Variants in ANXA8 observed in about 807,000 individuals in gnomAD.
ANXA8 encodes the protein VAC-beta.
Under a neutral mutation model 26.8 loss-of-function variants are expected in ANXA8, and 9 were observed. The observed-to-expected ratio is 0.34, with a 90% confidence interval of 0.20 to 0.59. ANXA8 has a LOEUF of 0.59. Ranked by LOEUF, ANXA8 falls within the 20% of genes least tolerant of loss-of-function variation. The pLI, the probability that ANXA8 is intolerant of heterozygous loss-of-function variation, is 0.84. For missense variants in ANXA8, 83 were observed against 238.5 expected (o/e 0.35, Z 4.29); for synonymous variants, 39 against 94.8 (o/e 0.41, Z 3.42).
At position 47,474,393 on chromosome 10, in the gene ANXA8, C is replaced by T; in HGVS notation, c.558G>A (p.Leu186=). Residue 186 remains leucine (L), a synonymous_variant, in exon 8 of 12, where the codon CTG becomes CTA. Coordinates refer to ENST00000585281, the MANE Select transcript of ANXA8 (RefSeq NM_001040084.3). ...PGLALQDAQD[L]YAAGEKIRGT... is the part of the protein sequence containing the mutation. ...CACGAATCTTCTCGCCTGCCGCATA[C>T]AGATCCTAGCATTGGGACACCCACA... 2.0e-6 allele frequency: 3 copies of T among 1,465,830 alleles called. No individual in the cohort carries two copies. The highest frequency in any genetic ancestry group is 2.7e-6 in the Non-Finnish European group (3 of 1,098,310). The allele number at this position is 1,465,830 out of a possible 1,614,324, so 90.8% of individuals were successfully genotyped here. A position where few individuals can be genotyped will look rare whatever the true frequency, so the allele number is the denominator to read the frequency against.
chr10:47,974,597 T>C, the ANXA8 span, among the ~76,000 whole-genome samples: 2 of 145,118 alleles, frequency 1.4e-5, no homozygotes, highest in African/African-American at 2.5e-5. Flanking sequence ...AAGTTGTATC[T>C]CCATTTTCAT....
the ANXA8 span, among the ~76,000 whole-genome samples, chr10:47,682,987 C>T: frequency 6.6e-6 from 1 of 152,204 alleles, no homozygotes; most frequent in African/African-American, 2.4e-5. Context: ...ACTTGAATAC[C>T]AAAGACAATT....
the ANXA8 span, chr10:47,715,968 C>T: frequency 1.3e-5 from 15 of 1,163,666 alleles, no homozygotes; most frequent in Non-Finnish European, 1.8e-5. Flanking sequence ...ACTGCAGTCT[C>T]CACCTCTCAG....
the ANXA8 span, among the ~76,000 whole-genome samples, chr10:47,577,181 C>T: frequency 1.3e-5 from 2 of 148,426 alleles, no homozygotes; most frequent in South Asian, 2.1e-4. Context: ...GCTGAGATGG[C>T]GCCATTGCAC....
At chr10:47,959,841 G>A in the ANXA8 span, among the ~76,000 whole-genome samples, 81 of 151,096 alleles carry the variant, frequency 5.4e-4, no homozygotes, top group Non-Finnish European at 9.0e-4. Flanking sequence ...TGCTGTGCCC[G>A]CTTCTAAGCT....
chr10:47,669,370 A>G, the ANXA8 span, among the ~76,000 whole-genome samples: 1 of 150,514 alleles, frequency 6.6e-6, no homozygotes, highest in Non-Finnish European at 1.5e-5. Flanking sequence ...CTGCTATGTC[A>G]GTTACCATTT....
the ANXA8 span, among the ~76,000 whole-genome samples, chr10:47,756,701 G>A: frequency 1.3e-5 from 2 of 152,310 alleles, no homozygotes; most frequent in Non-Finnish European, 2.9e-5. Flanking sequence ...CACTGGGATG[G>A]GTGGGATGTG....
the ANXA8 span, among the ~76,000 whole-genome samples, chr10:47,495,448 G>A: frequency 6.7e-6 from 1 of 149,820 alleles, no homozygotes; most frequent in Admixed American, 6.7e-5. Context: ...ACCATGCCTT[G>A]CTAATTTTTG....
At chr10:47,659,986 GGCTTAAGCTATCCACCA>G in the ANXA8 span, among the ~76,000 whole-genome samples, 1 of 148,760 alleles carries the variant, frequency 6.7e-6, no homozygotes, top group African/African-American at 2.5e-5. Context: ...CAAACTCCTG[GGCTTAAGCTATCCACCA>G]GCCTCGGCCT....
At chr10:47,761,110 AC>A in the ANXA8 span, among the ~76,000 whole-genome samples, 1 of 149,722 alleles carries the variant, frequency 6.7e-6, no homozygotes, top group East Asian at 2.0e-4. Context: ...ACGCACACAC[AC>A]ACACACACAC....
chr10:47,593,145 A>G, the ANXA8 span, among the ~76,000 whole-genome samples: 1 of 145,124 alleles, frequency 6.9e-6, no homozygotes, highest in African/African-American at 2.8e-5. Context: ...CATCAGAGCA[A>G]CTGCAGACAT....
chr10:47,932,715 TC>T, the ANXA8 span, among the ~76,000 whole-genome samples: 1 of 77,306 alleles, frequency 1.3e-5, no homozygotes, highest in African/African-American at 7.1e-5. Context: ...TCTCTCTCTC[TC>T]TTTCTCTGTC....
the ANXA8 span, chr10:47,986,588 G>T: frequency 2.8e-6 from 1 of 358,582 alleles, no homozygotes; most frequent in African/African-American, 2.2e-5. Context: ...ACAGGGGCCA[G>T]TGCAGTTGAA....
At chr10:47,552,976 C>G in the ANXA8 span, among the ~76,000 whole-genome samples, 9 of 151,950 alleles carry the variant, frequency 5.9e-5, no homozygotes, top group African/African-American at 2.2e-4. Context: ...AGGCTTCTCA[C>G]AGACACACAC....
the ANXA8 span, among the ~76,000 whole-genome samples, chr10:47,675,506 C>T: frequency 2.0e-5 from 3 of 151,896 alleles, no homozygotes; most frequent in Non-Finnish European, 4.4e-5. Flanking sequence ...AAGGCTTGAT[C>T]TCAGTCCTTA....
chr10:47,500,599 G>GT, the ANXA8 span, among the ~76,000 whole-genome samples: 7,075 of 100,718 alleles, frequency 0.07, 65 homozygotes, highest in Non-Finnish European at 0.11. Context: ...ATACTCATGT[G>GT]TTTTTTTTTT....
chr10:47,483,827 G>A, intron 1 of ANXA8, 86 bp downstream of exon 1: 2 of 1,610,962 alleles, frequency 1.2e-6, no homozygotes, highest in East Asian at 2.2e-5. Flanking sequence ...TCCCAGCCAA[G>A]GGCGACTTTA....
At chr10:47,591,565 TC>T in the ANXA8 span, among the ~76,000 whole-genome samples, 1 of 140,482 alleles carries the variant, frequency 7.1e-6, no homozygotes, top group Non-Finnish European at 1.5e-5. Context: ...TGCCTCAGCC[TC>T]CCAAGTAGCT....
chr10:47,558,556 TGTGTG>T, the ANXA8 span, among the ~76,000 whole-genome samples: 1 of 151,488 alleles, frequency 6.6e-6, no homozygotes. Context: ...TGTGTGTGTG[TGTGTG>T]TGTGTGTGTA....
Sources: allele counts gnomAD v4.1 joint callset (sites outside exome capture counted in the v4.1 genomes callset), GRCh38; gene constraint gnomAD v4.1.1; transcripts MANE v1.5; gene names NCBI Gene and HGNC (gene_info 2026-07-23, HGNC 2026-07-21).